The following STK17B variants were observed in gnomAD, a reference collection of about 807,000 sequenced individuals.
STK17B encodes the protein serine/threonine-protein kinase 17B.
In STK17B, 21 loss-of-function variants were observed where a neutral mutation model predicts 42.0. That is an observed-to-expected ratio of 0.50 (90% confidence interval 0.35 to 0.72). The LOEUF is 0.72. Among genes scored for constraint, STK17B ranks in the 30% least tolerant of loss-of-function variants. The pLI is 0.00. For synonymous variants in STK17B, 143 were observed against 148.4 expected, an observed-to-expected ratio of 0.96 and a Z score of 0.26; for missense variants, 349 against 446.0, an observed-to-expected ratio of 0.78 and a Z score of 1.96.
chr2:196,158,170 G>C (rs1312827159), intron 2 of STK17B, among the ~76,000 whole-genome samples: 2 of 152,214 alleles, frequency 1.3e-5, no homozygotes, highest in South Asian at 4.1e-4. Flanking sequence ...CAGTCTATCA[G>C]ACTCTTAGCA....
chr2:196,155,106 A>T (rs756935954), intron 3 of STK17B, among the ~76,000 whole-genome samples: 2 of 152,224 alleles, frequency 1.3e-5, no homozygotes, highest in African/African-American at 2.4e-5. Context: ...ATGTATATTC[A>T]TCCTCCAAAC....
intron 2 of STK17B, among the ~76,000 whole-genome samples, chr2:196,159,014 A>AG (rs1699776501): frequency 6.6e-6 from 1 of 151,534 alleles, no homozygotes; most frequent in South Asian, 2.1e-4. Flanking sequence ...GTGTCTCAAA[A>AG]AAAAAAAAAA....
chr2:196,137,292 A>T lies in STK17B; in HGVS notation c.*155T>A, dbSNP rs1487474999. On this transcript the variant is annotated 3_prime_UTR_variant, in exon 8 of 8. Coordinates refer to ENST00000263955, the MANE Select transcript of STK17B (RefSeq NM_004226.4). Reference sequence around the variant, plus strand: ...GGATATGAAATCATAACATGCTAGCAACTAGTAATTTAACATTAAAACACT... The same window carrying T: ...GGATATGAAATCATAACATGCTAGCTACTAGTAATTTAACATTAAAACACT... The T allele has an allele frequency of 9.2e-5, 67 of 731,674 alleles. No individual in the cohort carries two copies. The highest frequency in any genetic ancestry group is 1.3e-5 in the Non-Finnish European group (6 of 473,846). 45.3% of individuals were successfully genotyped at this position (731,674 alleles called of 1,614,324 possible).
chr2:196,150,412 A>G (rs562516491), intron 3 of STK17B, among the ~76,000 whole-genome samples: 28 of 152,328 alleles, frequency 1.8e-4, no homozygotes, highest in African/African-American at 4.6e-4. Context: ...AGAATACGTG[A>G]TAAGAGTACT....
intron 2 of STK17B, 23 bp from the exon 3 acceptor site, chr2:196,156,674 A>T: frequency 3.8e-6 from 6 of 1,577,562 alleles, no homozygotes; most frequent in Middle Eastern, 3.4e-4. Flanking sequence ...GAGAACAATC[A>T]ATTTTAATTT....
intron 3 of STK17B, among the ~76,000 whole-genome samples, chr2:196,152,902 C>A (rs1026964018): frequency 1.3e-5 from 2 of 152,004 alleles, no homozygotes. Flanking sequence ...ACAGGGGATA[C>A]ATGTTTATAC....
chr2:196,162,852 T>G (rs1000221199), intron 2 of STK17B, among the ~76,000 whole-genome samples: 2 of 151,928 alleles, frequency 1.3e-5, no homozygotes, highest in Non-Finnish European at 2.9e-5. Context: ...ATCATGTCAC[T>G]GCACTCCAGC....
At chr2:196,175,370 A>G (rs1317898760), upstream of STK17B, among the ~76,000 whole-genome samples, 1 of 152,226 alleles carries the variant, frequency 6.6e-6, no homozygotes, top group Non-Finnish European at 1.5e-5. Flanking sequence ...TCATATCTGT[A>G]ATCCTAGCAC....
In STK17B at chr2:196,147,061, T is replaced by C. The variant is rs138587751; in HGVS notation, c.336-1006A>G. 4.6e-3 allele frequency among the ~76,000 whole-genome samples: 699 copies of C among 152,340 alleles called. 1 individual carries two copies. Among genetic ancestry groups the C allele is most frequent in the Non-Finnish European group, 7.5e-3 (510 of 68,034 alleles). ...AATATAACTTAGGGTCAGTTACTTA[T>C]AGTCATCCATAAAGCAGAAATATCA... is the stretch of plus-strand genomic sequence containing the variant. On this transcript the variant is annotated intron_variant, in intron 3 of 7. Coordinates refer to ENST00000263955, the MANE Select transcript of STK17B (RefSeq NM_004226.4).
chr2:196,157,693 T>C (rs868741597), intron 2 of STK17B, among the ~76,000 whole-genome samples: 14 of 152,238 alleles, frequency 9.2e-5, no homozygotes, highest in Non-Finnish European at 1.8e-4. Flanking sequence ...GTCATGTTTA[T>C]CATTTTAGAA....
At chr2:196,169,076 T>A (rs1359830723) in intron 1 of STK17B, among the ~76,000 whole-genome samples, 5 of 25,526 alleles carry the variant, frequency 2.0e-4, no homozygotes, top group Non-Finnish European at 5.7e-4. Context: ...CTATTTTTTT[T>A]TTTTTTTTTT....
In STK17B at chr2:196,147,562, CAGTA is replaced by C. The variant is rs577430510; in HGVS notation, c.336-1511_336-1508del. Among the ~76,000 whole-genome samples the C allele has an allele frequency of 4.0e-3, 611 of 152,262 alleles. 2 individuals carry two copies. The highest frequency in any genetic ancestry group is 7.0e-3 in the Non-Finnish European group (478 of 68,018). ...AATTTGCAATTGAGCAATCTAAACA[CAGTA>C]AGCCAGTTAGAAGCCGCAAACATAT... On this transcript the variant is annotated intron_variant, in intron 3 of 7. Coordinates refer to ENST00000263955, the MANE Select transcript of STK17B (RefSeq NM_004226.4).
chr2:196,149,271 C>G (rs1189233416), intron 3 of STK17B, among the ~76,000 whole-genome samples: 1 of 151,770 alleles, frequency 6.6e-6, no homozygotes, highest in Non-Finnish European at 1.5e-5. Flanking sequence ...TCAAGCAATT[C>G]TCCTGCCTCA....
In STK17B at chr2:196,145,990, T is replaced by A; in HGVS notation, c.401A>T (p.Asp134Val). 16 of 1,608,382 alleles carry A rather than the reference T, an allele frequency of 9.9e-6. No individual in the cohort carries two copies. The highest frequency in any genetic ancestry group is 1.4e-5 in the Non-Finnish European group (16 of 1,178,398). Reference protein sequence around the residue: ...PELAEMVSENDVIRLIKQILE... With the variant: ...PELAEMVSENVVIRLIKQILE... ...TATTTGTTTAATGAGTCTGATAACATCATTTTCAGAAACCATTTCAGCCAA... is the reference window on the plus strand; with the variant it reads ...TATTTGTTTAATGAGTCTGATAACAACATTTTCAGAAACCATTTCAGCCAA... Residue 134 changes from aspartate to valine, a missense_variant, in exon 4 of 8, where the codon GAT (aspartate) becomes GTT (valine). Transcript: ENST00000263955.
intron 3 of STK17B, among the ~76,000 whole-genome samples, chr2:196,147,436 G>A (rs1699592013): frequency 6.6e-6 from 1 of 152,118 alleles, no homozygotes; most frequent in Admixed American, 6.5e-5. Flanking sequence ...GAAAAAATAT[G>A]TCATAAGTGT....
chr2:196,167,308 T>C (rs1291537375), intron 1 of STK17B, among the ~76,000 whole-genome samples: 2 of 152,232 alleles, frequency 1.3e-5, no homozygotes, highest in African/African-American at 4.8e-5. Flanking sequence ...CTTTTACTTT[T>C]GTGCCTAAGC....
chr2:196,173,076 C>CA (rs1465474197), upstream of STK17B, among the ~76,000 whole-genome samples: 8 of 152,268 alleles, frequency 5.3e-5, no homozygotes, highest in East Asian at 1.5e-3. Context: ...TTCTCACACT[C>CA]ACCCCATACT....
chr2:196,159,089 G>A (rs149440607), intron 2 of STK17B, among the ~76,000 whole-genome samples: 20 of 151,476 alleles, frequency 1.3e-4, no homozygotes, highest in African/African-American at 4.6e-4. Context: ...CTTAGATTTC[G>A]AAGCAAAAAC....
Position 196,139,652 on chromosome 2 carries a change from G to A in STK17B, c.804C>T (p.Asp268=). ...TTTTTACTAAAAGGCTCTGAATAAA[G>A]TCTGTGGCCAGCTGTGAAACTGATG... The part of the protein sequence containing the change: ...TFSSVSQLAT[D]FIQSLLVKNP... Residue 268 remains aspartate (D), a synonymous_variant, in exon 7 of 8, where the codon GAC becomes GAT. Transcript: ENST00000263955. 3 of 1,443,252 alleles carry A rather than the reference G, an allele frequency of 2.1e-6. No homozygotes were observed. The highest frequency in any genetic ancestry group is 1.8e-6 in the Non-Finnish European group (2 of 1,092,930). 89.4% of individuals were successfully genotyped at this position (1,443,252 alleles called of 1,614,324 possible).
Sources: gnomAD v4.1 joint callset for allele counts (sites outside exome capture counted in the v4.1 genomes callset) on GRCh38, gnomAD v4.1.1 for gene constraint, MANE v1.5 for transcripts, NCBI Gene and HGNC (gene_info 2026-07-23, HGNC 2026-07-21) for gene names.